Variants in ADGB observed in about 807,000 individuals in gnomAD.
ADGB encodes the protein androglobin, also known as calpain-7-like protein.
A neutral mutation model predicts 210.5 loss-of-function variants in ADGB; 172 were observed. The ratio of observed to expected loss-of-function variants is 0.82; its 90% CI spans 0.72 to 0.93. The LOEUF (loss-of-function observed/expected upper bound fraction) is 0.93, where lower values mean the gene tolerates loss of function less well. Among genes scored for constraint, ADGB ranks in the 40% least tolerant of loss-of-function variants. ADGB has a pLI of 0.00. For synonymous variants in ADGB, 658 were observed against 662.7 expected (o/e 0.99, Z 0.11); for missense variants, 2,025 against 1,964.8 (o/e 1.03, Z -0.58).
At chr6:146,650,597 CAAAAAAAAAAAAAAAAAAAAAAAA>C (rs57913607) in intron 3 of ADGB, among the ~76,000 whole-genome samples, 1 of 36,532 alleles carries the variant, frequency 2.7e-5, no homozygotes, top group Admixed American at 4.7e-4. Flanking sequence ...TCCCTCCCAC[CAAAAAAAAAAAAAAAAAAAAAAAA>C]AAAAAAAAAA....
intron 3 of ADGB, among the ~76,000 whole-genome samples, chr6:146,651,531 C>G (rs112145727): frequency 3.3e-5 from 5 of 152,162 alleles, no homozygotes; most frequent in African/African-American, 1.2e-4. Flanking sequence ...ACTTGGTAGG[C>G]GAAACATGTA....
At chr6:146,803,181 C>A in intron 35 of ADGB, 1 of 1,491,764 alleles carries the variant, frequency 6.7e-7, no homozygotes, top group Non-Finnish European at 9.4e-7. Context: ...TTCACTTATA[C>A]TTCTCCTTCT....
rs776909275 is a variant in ADGB at position 146,733,140 on chromosome 6, G to A, written c.2541G>A (p.Trp847Ter). 29 of 1,525,546 alleles carry A rather than the reference G, an allele frequency of 1.9e-5. No individual in the cohort carries two copies. In the South Asian group the frequency reaches 3.4e-4, roughly 18 times the overall value. The allele number at this position is 1,525,546 out of a possible 1,614,324, so 94.5% of individuals were successfully genotyped here. ...QHFRVFHLSLWRLMKKVQITK... is the reference protein window; with the variant it reads ...QHFRVFHLSL ...TTCAGGTTTTTCATCTTTCCTTATG[G>A]CGTTTAATGAAAAAAGTTCAAATAA... The change falls in exon 21 of 36, where the codon TGG becomes TGA. Residue 847 changes from tryptophan to a stop codon, truncating the protein, a stop_gained. Coordinates refer to ENST00000397944, the MANE Select transcript of ADGB (RefSeq NM_024694.4). LOFTEE classifies it high-confidence loss of function.
At chr6:146,655,230 C>T (rs1401012846) in intron 4 of ADGB, among the ~76,000 whole-genome samples, 2 of 152,220 alleles carry the variant, frequency 1.3e-5, no homozygotes, top group Non-Finnish European at 2.9e-5. Context: ...ATCCACATGA[C>T]CAGCAATGGA....
At chr6:146,599,219 T>C in intron 1 of ADGB, 105 bp downstream of exon 1, 2 of 1,004,790 alleles carry the variant, frequency 2.0e-6, no homozygotes, top group Non-Finnish European at 3.1e-6. Flanking sequence ...GGCAGAAGTT[T>C]AGTGGCCTCC....
chr6:146,781,778 T>A (rs1326820520), intron 29 of ADGB, among the ~76,000 whole-genome samples: 1 of 152,154 alleles, frequency 6.6e-6, no homozygotes, highest in Non-Finnish European at 1.5e-5. Flanking sequence ...GGTTACACAG[T>A]CTTATAAATG....
intron 35 of ADGB, among the ~76,000 whole-genome samples, chr6:146,808,578 G>A (rs1386870438): frequency 6.6e-6 from 1 of 152,212 alleles, no homozygotes; most frequent in African/African-American, 2.4e-5. Context: ...TTCTCCAAAA[G>A]CACACTTCTA....
chr6:146,741,929 T>C (rs1414558868), intron 25 of ADGB, among the ~76,000 whole-genome samples: 7 of 152,232 alleles, frequency 4.6e-5, no homozygotes, highest in African/African-American at 1.7e-4. Context: ...AGCTCTGGTC[T>C]TCCTTTCTGC....
intron 2 of ADGB, among the ~76,000 whole-genome samples, chr6:146,637,374 GA>G (rs1171268894): frequency 6.6e-6 from 1 of 151,902 alleles, no homozygotes; most frequent in Non-Finnish European, 1.5e-5. Context: ...GAAGCAATCT[GA>G]AAATTTTGCA....
chr6:146,805,323 G>A (rs887330646), intron 35 of ADGB, among the ~76,000 whole-genome samples: 30 of 152,164 alleles, frequency 2.0e-4, no homozygotes, highest in African/African-American at 6.8e-4. Context: ...CAAACTTGTA[G>A]CATCAAGCAC....
chr6:146,642,685 C>A (rs1211384221), intron 2 of ADGB, among the ~76,000 whole-genome samples: 1 of 151,934 alleles, frequency 6.6e-6, no homozygotes, highest in South Asian at 2.1e-4. Flanking sequence ...CACACATTCT[C>A]ACTTCTAAGT....
At chr6:146,809,327 C>A (rs1405703384) in intron 35 of ADGB, among the ~76,000 whole-genome samples, 1 of 152,188 alleles carries the variant, frequency 6.6e-6, no homozygotes, top group Admixed American at 6.5e-5. Flanking sequence ...TTGCCTCAGA[C>A]TCCTGAATAG....
intron 1 of ADGB, among the ~76,000 whole-genome samples, chr6:146,634,734 T>C (rs1021860272): frequency 1.3e-5 from 2 of 152,016 alleles, no homozygotes; most frequent in Admixed American, 1.3e-4. Flanking sequence ...ATAATGTGAA[T>C]GTACACAAAG....
chr6:146,657,843 T>C (rs1775806439), intron 5 of ADGB, among the ~76,000 whole-genome samples: 4 of 152,126 alleles, frequency 2.6e-5, no homozygotes, highest in Admixed American at 2.6e-4. Context: ...TACCTCTGCC[T>C]AAAAGGAAAG....
chr6:146,731,861 T>C lies in ADGB; in HGVS notation c.2521-1259T>C, dbSNP rs191080198. On this transcript the variant is annotated intron_variant, in intron 20 of 35. Transcript: ENST00000397944. ...GTTCTGAAATCTAGCAAACCCGTTA[T>C]TGTGGGGGAATCGGGCACGGAGTCT... Among the ~76,000 whole-genome samples the C allele has an allele frequency of 1.7e-3, 265 of 152,264 alleles. 2 individuals carry two copies. The highest frequency in any genetic ancestry group is 0.016 in the Admixed American group (239 of 15,282).
chr6:146,754,412 T>G (rs1282442881), intron 27 of ADGB, among the ~76,000 whole-genome samples: 1 of 151,806 alleles, frequency 6.6e-6, no homozygotes, highest in Admixed American at 6.6e-5. Context: ...AAACCATTTC[T>G]CTACTTTTAA....
chr6:146,724,247 GA>G lies in ADGB; in HGVS notation c.2160del (p.Lys720AsnfsTer3). ...GLLTAETFSW[K>X]SLKPGSLVLK... ...TTCTCACAGCTGAAACGTTTTCTTG[GA>G]AATCCCTGAAACCAGGCAGTCTTGT... On this transcript the variant is annotated frameshift_variant, in exon 18 of 36. Transcript: ENST00000397944. LOFTEE classifies it high-confidence loss of function. 6.4e-7 allele frequency: 1 copy of G among 1,550,998 alleles called. No homozygotes were observed. Among genetic ancestry groups the G allele is most frequent in the Non-Finnish European group, 8.7e-7 (1 of 1,146,674 alleles).
At chr6:146,715,099 T>C (rs530174740) in intron 13 of ADGB, among the ~76,000 whole-genome samples, 1 of 152,344 alleles carries the variant, frequency 6.6e-6, no homozygotes, top group African/African-American at 2.4e-5. Flanking sequence ...GGGATATTAC[T>C]GTTTTAATTT....
chr6:146,698,123 G>A (rs1776434881), intron 12 of ADGB, among the ~76,000 whole-genome samples: 2 of 152,192 alleles, frequency 1.3e-5, no homozygotes. Context: ...GCTTCTGGCA[G>A]GGTTTGTGGA....
Sources: gnomAD v4.1 joint callset for allele counts (sites outside exome capture counted in the v4.1 genomes callset) on GRCh38, gnomAD v4.1.1 for gene constraint, MANE v1.5 for transcripts, NCBI Gene and HGNC (gene_info 2026-07-23, HGNC 2026-07-21) for gene names.